The following SDCCAG8 variants were observed in gnomAD, a reference collection of about 807,000 sequenced individuals.
SDCCAG8 encodes serologically defined colon cancer antigen 8.
Under a neutral mutation model 101.8 loss-of-function variants are expected in SDCCAG8, and 74 were observed. The ratio of observed to expected loss-of-function variants is 0.73; its 90% CI spans 0.60 to 0.88. The LOEUF (loss-of-function observed/expected upper bound fraction) is 0.88. Among genes scored for constraint, SDCCAG8 ranks in the 40% least tolerant of loss-of-function variants. SDCCAG8 has a pLI of 0.00. For missense variants in SDCCAG8, 787 were observed against 822.6 expected (o/e 0.96, Z 0.53); for synonymous variants, 281 against 292.9 (o/e 0.96, Z 0.41).
intron 16 of SDCCAG8, among the ~76,000 whole-genome samples, chr1:243,459,009 G>A (rs980627442): frequency 2.0e-5 from 3 of 152,206 alleles, no homozygotes; most frequent in African/African-American, 7.2e-5. Flanking sequence ...ATGTGTTTAT[G>A]TTACCTTAAA....
At chr1:243,271,984 A>T (rs60581298) in intron 3 of SDCCAG8, among the ~76,000 whole-genome samples, 7,053 of 152,248 alleles carry the variant, frequency 0.046, 555 homozygotes, top group African/African-American at 0.16. Context: ...TTTCTGATTA[A>T]AGCATTTTAT....
chr1:243,294,506 C>CGAGAGCGAGAGAGAGAGAGAGAGA (rs1553298250), intron 6 of SDCCAG8, among the ~76,000 whole-genome samples: 2 of 105,884 alleles, frequency 1.9e-5, no homozygotes, highest in Non-Finnish European at 3.8e-5. Context: ...AGAGAAAGAG[C>CGAGAGCGAGAGAGAGAGAGAGAGA]GAGAGAGAGA....
At chr1:243,279,024 C>T (rs937568955) in intron 4 of SDCCAG8, among the ~76,000 whole-genome samples, 4 of 152,120 alleles carry the variant, frequency 2.6e-5, no homozygotes, top group Non-Finnish European at 4.4e-5. Context: ...CTCCTGGGCT[C>T]AAACAGTCCT....
intron 1 of SDCCAG8, chr1:243,267,537 G>C: frequency 2.4e-6 from 1 of 421,366 alleles, no homozygotes; most frequent in Non-Finnish European, 4.4e-6. Context: ...GAGAGGCGGA[G>C]GGTGCGGTGA....
chr1:243,293,773 GT>G (rs1334296838), intron 6 of SDCCAG8, among the ~76,000 whole-genome samples: 2 of 152,164 alleles, frequency 1.3e-5, no homozygotes, highest in East Asian at 3.9e-4. Flanking sequence ...TTGAATCCCT[GT>G]TTCAATTATT....
chr1:243,478,636 G>A (rs537754138), intron 16 of SDCCAG8, among the ~76,000 whole-genome samples: 1 of 152,206 alleles, frequency 6.6e-6, no homozygotes, highest in African/African-American at 2.4e-5. Flanking sequence ...ATTGAATAGG[G>A]TAGATTTAGG....
chr1:243,377,031 G>T (rs2077638790), intron 12 of SDCCAG8, among the ~76,000 whole-genome samples: 1 of 151,946 alleles, frequency 6.6e-6, no homozygotes, highest in Non-Finnish European at 1.5e-5. Context: ...CCCTCATCTG[G>T]CTACTGAGGC....
chr1:243,429,649 C>T (rs2081578861), intron 16 of SDCCAG8, among the ~76,000 whole-genome samples: 1 of 150,842 alleles, frequency 6.6e-6, no homozygotes, highest in Non-Finnish European at 1.5e-5. Context: ...CCTCCTCAGC[C>T]TTCCAAGCAG....
intron 5 of SDCCAG8, among the ~76,000 whole-genome samples, chr1:243,292,539 T>G (rs902353514): frequency 6.6e-6 from 1 of 152,216 alleles, no homozygotes; most frequent in South Asian, 2.1e-4. Context: ...CAGATTCTAG[T>G]GCTGCCACTT....
chr1:243,466,946 G>A (rs534034891), intron 16 of SDCCAG8, among the ~76,000 whole-genome samples: 1 of 152,384 alleles, frequency 6.6e-6, no homozygotes, highest in African/African-American at 2.4e-5. Context: ...TCTGGGTGGA[G>A]CAGTTAATAT....
chr1:243,285,244 TTTTCTACCTCCTACAGAGG>T (rs2069492865), intron 4 of SDCCAG8, among the ~76,000 whole-genome samples: 1 of 152,170 alleles, frequency 6.6e-6, no homozygotes, highest in South Asian at 2.1e-4. Flanking sequence ...ATGATTTAGA[TTTTCTACCTCCTACAGAGG>T]TTTCTGATTT....
intron 12 of SDCCAG8, among the ~76,000 whole-genome samples, chr1:243,345,438 A>C (rs1015425513): frequency 2.0e-5 from 3 of 152,226 alleles, no homozygotes; most frequent in African/African-American, 7.2e-5. Context: ...AACATGTACA[A>C]ATAATGAAAC....
chr1:243,275,659 G>A (rs2068479332), intron 4 of SDCCAG8, among the ~76,000 whole-genome samples: 1 of 151,962 alleles, frequency 6.6e-6, no homozygotes, highest in Non-Finnish European at 1.5e-5. Context: ...AAACTTGAAA[G>A]ATATAAAGCA....
intron 1 of SDCCAG8, among the ~76,000 whole-genome samples, chr1:243,258,203 G>A (rs1170524282): frequency 1.3e-5 from 2 of 150,418 alleles, no homozygotes; most frequent in Admixed American, 6.6e-5. Context: ...AAAAAAAAAC[G>A]TATTCATAAT....
intron 16 of SDCCAG8, among the ~76,000 whole-genome samples, chr1:243,444,031 G>A (rs763519417): frequency 3.5e-4 from 53 of 152,194 alleles, no homozygotes; most frequent in Non-Finnish European, 6.6e-4. Flanking sequence ...TGAAAATTAC[G>A]CTTGTTTTTA....
intron 4 of SDCCAG8, among the ~76,000 whole-genome samples, chr1:243,284,689 T>C (rs148958055): frequency 1.7e-3 from 257 of 152,306 alleles, no homozygotes; most frequent in African/African-American, 5.7e-3. Flanking sequence ...AGTTAGGCTC[T>C]GGTAAAGTCG....
At chr1:243,421,445 G>C (rs953149468) in intron 15 of SDCCAG8, among the ~76,000 whole-genome samples, 1 of 152,148 alleles carries the variant, frequency 6.6e-6, no homozygotes, top group Non-Finnish European at 1.5e-5. Context: ...TGGTACCTCC[G>C]TGTGTGTGTC....
chr1:243,382,427 A>G (rs2078015079), intron 13 of SDCCAG8, among the ~76,000 whole-genome samples: 3 of 152,192 alleles, frequency 2.0e-5, no homozygotes, highest in Admixed American at 2.0e-4. Flanking sequence ...GATGAAAAAA[A>G]GGGGAAACAA....
At chr1:243,490,574 T>A (rs1666160320) in intron 17 of SDCCAG8, among the ~76,000 whole-genome samples, 1 of 152,230 alleles carries the variant, frequency 6.6e-6, no homozygotes, top group African/African-American at 2.4e-5. Flanking sequence ...ACTTAAGCCT[T>A]TTTCCAGCCT....
Sources: gnomAD v4.1 joint callset for allele counts (sites outside exome capture counted in the v4.1 genomes callset) on GRCh38, gnomAD v4.1.1 for gene constraint, MANE v1.5 for transcripts, NCBI Gene and HGNC (gene_info 2026-07-23, HGNC 2026-07-21) for gene names.